The following CSMD1 variants were observed in gnomAD, a reference collection of about 807,000 sequenced individuals.
CSMD1 encodes CUB and sushi domain-containing protein 1.
In CSMD1, 213 loss-of-function variants were observed where a neutral mutation model predicts 417.5. The ratio of observed to expected loss-of-function variants is 0.51; its 90% CI spans 0.46 to 0.57. The LOEUF is 0.57. CSMD1 is among the 20% of genes least tolerant of loss of function. The pLI is 0.00. For synonymous variants in CSMD1, 2,862 were observed against 1,736.8 expected, an observed-to-expected ratio of 1.65 and a Z score of -16.11; for missense variants, 6,923 against 4,529.7, an observed-to-expected ratio of 1.53 and a Z score of -15.17.
chr8:4,887,678 T>C (rs1355741883), intron 1 of CSMD1, among the ~76,000 whole-genome samples: 3 of 151,896 alleles, frequency 2.0e-5, no homozygotes, highest in Non-Finnish European at 4.4e-5. Context: ...ATTTGCTTTA[T>C]TTATTTATTT....
rs1563356948 is a variant in CSMD1, at chr8:4,637,357, C to T, written c.287G>A (p.Gly96Glu). The change falls in exon 2 of 70, where the codon GGG becomes GAG. Residue 96 changes from glycine to glutamate, a missense_variant. By Grantham distance (98) the Gly-to-Glu change is moderately conservative (BLOSUM62 -2). Transcript: ENST00000635120. The stretch of plus-strand genomic sequence containing the variant: ...GATACCTTACCTCACTTTTAAATTC[C>T]CTTGTTGAGGCTGTCCATCGTAAAC... Reference protein sequence around the residue: ...LSVYDGQPQQGNLKVRLSGFQ... With the variant: ...LSVYDGQPQQENLKVRLSGFQ... The T allele has an allele frequency of 6.2e-7, 1 of 1,613,370 alleles. No individual in the cohort carries two copies. Among genetic ancestry groups the T allele is most frequent in the Non-Finnish European group, 8.5e-7 (1 of 1,179,404 alleles).
At chr8:4,950,714 G>T (rs1270856567) in intron 1 of CSMD1, among the ~76,000 whole-genome samples, 1 of 152,104 alleles carries the variant, frequency 6.6e-6, no homozygotes, top group Admixed American at 6.6e-5. Context: ...AAAAAGAGTT[G>T]GTCATTGAAT....
At chr8:4,946,709 G>T (rs975192436) in intron 1 of CSMD1, among the ~76,000 whole-genome samples, 4 of 152,140 alleles carry the variant, frequency 2.6e-5, no homozygotes, top group African/African-American at 9.7e-5. Flanking sequence ...CTCCCCAAAG[G>T]TTGAATATGT....
intron 9 of CSMD1, among the ~76,000 whole-genome samples, chr8:3,575,450 G>C (rs1005843089): frequency 6.6e-6 from 1 of 152,152 alleles, no homozygotes; most frequent in African/African-American, 2.4e-5. Flanking sequence ...CTAATTGTGT[G>C]CGACTGCAGT....
At chr8:2,949,236 T>A (rs1389552056) in intron 68 of CSMD1, 63 bp downstream of exon 68, 8 of 898,666 alleles carry the variant, frequency 8.9e-6, no homozygotes, top group Non-Finnish European at 1.2e-5. Context: ...CATTTCTTCT[T>A]AGAAACATCA....
chr8:4,173,959 A>G (rs961406157), intron 3 of CSMD1, among the ~76,000 whole-genome samples: 9 of 152,132 alleles, frequency 5.9e-5, no homozygotes, highest in African/African-American at 1.4e-4. Flanking sequence ...AACAAAAACA[A>G]AAAACTTTCT....
At chr8:3,015,578 C>T (rs1388410137) in intron 52 of CSMD1, among the ~76,000 whole-genome samples, 1 of 151,596 alleles carries the variant, frequency 6.6e-6, no homozygotes, top group Non-Finnish European at 1.5e-5. Context: ...AAAAAAGGAC[C>T]CAAACTCACA....
chr8:4,755,998 TGTGA>T (rs770117150), intron 1 of CSMD1, among the ~76,000 whole-genome samples: 16 of 152,246 alleles, frequency 1.1e-4, no homozygotes, highest in Admixed American at 3.9e-4. Flanking sequence ...ATTTAGTATG[TGTGA>T]GTATTAAGTC....
intron 4 of CSMD1, among the ~76,000 whole-genome samples, chr8:4,025,027 A>G (rs1356726789): frequency 6.6e-6 from 1 of 152,218 alleles, no homozygotes; most frequent in East Asian, 1.9e-4. Context: ...TTACATAGGT[A>G]GAATTAGGCA....
rs148650651 is a variant in CSMD1 at position 4,762,367 on chromosome 8, T to G, written c.86-124809A>C. Among the ~76,000 whole-genome samples, 609 of 152,288 alleles carry G rather than the reference T, an allele frequency of 4.0e-3. 2 individuals carry two copies. Among genetic ancestry groups the G allele is most frequent in the Admixed American group, 9.7e-3 (148 of 15,292 alleles). ...TACCAGTAAACTTTGTTTACTGCTA[T>G]ACATTTAATAAAATCCATTTTATCG... On this transcript the variant is annotated intron_variant, in intron 1 of 69. Transcript: ENST00000635120.
intron 1 of CSMD1, among the ~76,000 whole-genome samples, chr8:4,872,755 T>A (rs1224780784): frequency 6.6e-6 from 1 of 152,092 alleles, no homozygotes; most frequent in Non-Finnish European, 1.5e-5. Context: ...TTAAAAGATA[T>A]CTTGCACATT....
intron 7 of CSMD1, among the ~76,000 whole-genome samples, chr8:3,678,051 G>A (rs183968463): frequency 2.6e-5 from 4 of 152,236 alleles, no homozygotes; most frequent in African/African-American, 9.6e-5. Flanking sequence ...ACAGTGGGAG[G>A]GTGGTTCAAA....
chr8:3,439,094 G>C (rs1203191251), intron 12 of CSMD1, among the ~76,000 whole-genome samples: 2 of 103,516 alleles, frequency 1.9e-5, no homozygotes, highest in African/African-American at 3.9e-5. Flanking sequence ...CTGCACTCCA[G>C]CCTGGGTGAC....
intron 49 of CSMD1, among the ~76,000 whole-genome samples, chr8:3,063,359 C>A (rs1812715147): frequency 1.3e-5 from 2 of 152,074 alleles, no homozygotes; most frequent in South Asian, 2.1e-4. Context: ...TGAGTGCTGA[C>A]AAAGATGTGA....
At chr8:4,162,455 A>G (rs987735032) in intron 3 of CSMD1, among the ~76,000 whole-genome samples, 1 of 152,212 alleles carries the variant, frequency 6.6e-6, no homozygotes, top group Admixed American at 6.5e-5. Context: ...GGTGAATTCA[A>G]GACTTACACA....
At chr8:3,908,138 T>C (rs976204724) in intron 5 of CSMD1, among the ~76,000 whole-genome samples, 2 of 152,134 alleles carry the variant, frequency 1.3e-5, no homozygotes, top group Admixed American at 1.3e-4. Context: ...AACAAATACA[T>C]GGCAATCACT....
chr8:3,081,882 C>G (rs73502457), intron 49 of CSMD1, among the ~76,000 whole-genome samples: 1 of 152,298 alleles, frequency 6.6e-6, no homozygotes, highest in African/African-American at 2.4e-5. Flanking sequence ...TTTTCTTAGC[C>G]TCAGAGTCAC....
At chr8:4,168,710 A>G (rs1226144878) in intron 3 of CSMD1, among the ~76,000 whole-genome samples, 1 of 152,126 alleles carries the variant, frequency 6.6e-6, no homozygotes, top group Non-Finnish European at 1.5e-5. Flanking sequence ...TTTAAAACAC[A>G]AAAAAAGAAC....
At chr8:3,088,610 G>A (rs144358680) in intron 48 of CSMD1, among the ~76,000 whole-genome samples, 3 of 152,062 alleles carry the variant, frequency 2.0e-5, no homozygotes, top group African/African-American at 7.2e-5. Flanking sequence ...TCAGCTGGGT[G>A]AGCCTCTGAA....
Sources: allele counts gnomAD v4.1 joint callset (sites outside exome capture counted in the v4.1 genomes callset), GRCh38; gene constraint gnomAD v4.1.1; transcripts MANE v1.5; gene names NCBI Gene and HGNC (gene_info 2026-07-23, HGNC 2026-07-21).